Variants in DLGAP2 observed in about 807,000 individuals in gnomAD.
DLGAP2 encodes disks large-associated protein 2.
In DLGAP2, 26 loss-of-function variants were observed where a neutral mutation model predicts 100.3. The ratio of observed to expected loss-of-function variants is 0.26; its 90% CI spans 0.19 to 0.36. DLGAP2 has a LOEUF of 0.36. DLGAP2 is among the 10% of genes least tolerant of loss of function. DLGAP2 has a pLI of 1.00. For synonymous variants in DLGAP2, 886 were observed against 630.1 expected, an observed-to-expected ratio of 1.41 and a Z score of -6.08; for missense variants, 1,858 against 1,453.2, an observed-to-expected ratio of 1.28 and a Z score of -4.53.
chr8:1,479,338 T>G (rs1050181106), intron 3 of DLGAP2, among the ~76,000 whole-genome samples: 1 of 152,204 alleles, frequency 6.6e-6, no homozygotes, highest in South Asian at 2.1e-4. Flanking sequence ...CTCTCAAGCT[T>G]TCATCCCTCA....
At chr8:1,191,140 C>G (rs1479119287) in intron 2 of DLGAP2, among the ~76,000 whole-genome samples, 6 of 151,102 alleles carry the variant, frequency 4.0e-5, no homozygotes, top group Admixed American at 4.0e-4. Flanking sequence ...GAATAAATTT[C>G]TTGTAACTAA....
intron 1 of DLGAP2, among the ~76,000 whole-genome samples, chr8:789,099 C>G (rs144662073): frequency 6.6e-6 from 1 of 152,320 alleles, no homozygotes; most frequent in African/African-American, 2.4e-5. Context: ...AAAACACAGT[C>G]AGAGGTGTGA....
At chr8:797,973 A>G (rs533378891) in intron 1 of DLGAP2, among the ~76,000 whole-genome samples, 2 of 152,082 alleles carry the variant, frequency 1.3e-5, no homozygotes, top group South Asian at 4.2e-4. Flanking sequence ...GCTGGTCTCG[A>G]ACTCCTGATG....
chr8:829,049 T>C (rs1324706418), intron 1 of DLGAP2, among the ~76,000 whole-genome samples: 1 of 152,348 alleles, frequency 6.6e-6, no homozygotes, highest in Non-Finnish European at 1.5e-5. Flanking sequence ...ACAAACCTGA[T>C]TTTTTTAAAT....
intron 2 of DLGAP2, among the ~76,000 whole-genome samples, chr8:931,536 C>A (rs564611866): frequency 2.2e-4 from 34 of 152,342 alleles, no homozygotes; most frequent in Admixed American, 5.2e-4. Flanking sequence ...TTAGGCACTG[C>A]CACTTGTCAT....
At chr8:1,196,663 A>G (rs1053442274) in intron 2 of DLGAP2, among the ~76,000 whole-genome samples, 2 of 152,162 alleles carry the variant, frequency 1.3e-5, no homozygotes, top group Admixed American at 6.5e-5. Context: ...TTTGAAAACC[A>G]CATATGTCAG....
intron 3 of DLGAP2, among the ~76,000 whole-genome samples, chr8:1,476,654 G>A (rs1026279203): frequency 3.3e-5 from 5 of 152,092 alleles, no homozygotes; most frequent in Non-Finnish European, 7.4e-5. Flanking sequence ...ACCCGTGATG[G>A]CTGACTGCTG....
At chr8:1,665,303 C>T (rs1798516370) in intron 8 of DLGAP2, among the ~76,000 whole-genome samples, 1 of 152,134 alleles carries the variant, frequency 6.6e-6, no homozygotes, top group African/African-American at 2.4e-5. Flanking sequence ...AACTATGAAA[C>T]ACATAATGAG....
At chr8:1,286,123 G>A (rs542717611) in intron 3 of DLGAP2, among the ~76,000 whole-genome samples, 1 of 152,206 alleles carries the variant, frequency 6.6e-6, no homozygotes, top group Non-Finnish European at 1.5e-5. Context: ...GAATCATGGG[G>A]TGGTTTCTGC....
intron 2 of DLGAP2, among the ~76,000 whole-genome samples, chr8:1,134,223 C>G (rs1796356140): frequency 1.3e-5 from 2 of 152,184 alleles, no homozygotes; most frequent in South Asian, 4.1e-4. Context: ...ACCACATTTT[C>G]TTAATCCAGT....
intron 2 of DLGAP2, among the ~76,000 whole-genome samples, chr8:1,152,390 C>G (rs570248504): frequency 6.6e-6 from 1 of 152,304 alleles, no homozygotes; most frequent in Non-Finnish European, 1.5e-5. Context: ...AACGTGTTGC[C>G]TCAATGCAAT....
intron 3 of DLGAP2, among the ~76,000 whole-genome samples, chr8:1,338,654 C>T (rs1801344706): frequency 6.6e-6 from 1 of 152,146 alleles, no homozygotes; most frequent in African/African-American, 2.4e-5. Flanking sequence ...TTTTAAAAAT[C>T]TAAAACAAAC....
At chr8:862,000 C>G (rs1463103652) in intron 1 of DLGAP2, among the ~76,000 whole-genome samples, 3 of 152,344 alleles carry the variant, frequency 2.0e-5, no homozygotes, top group East Asian at 3.9e-4. Context: ...ACTGTTTAGA[C>G]TAAATTTCTT....
chr8:1,624,481 C>A (rs7829019), intron 6 of DLGAP2, among the ~76,000 whole-genome samples: 3 of 151,894 alleles, frequency 2.0e-5, no homozygotes, highest in African/African-American at 7.3e-5. Context: ...AGGAAGCCAG[C>A]AGTGGTCTCT....
intron 2 of DLGAP2, among the ~76,000 whole-genome samples, chr8:924,563 A>T (rs1341625556): frequency 6.6e-6 from 1 of 150,382 alleles, no homozygotes; most frequent in African/African-American, 2.4e-5. Context: ...CTGCATGCTT[A>T]TCCCGGTTAT....
intron 6 of DLGAP2, among the ~76,000 whole-genome samples, chr8:1,590,898 C>G (rs1429733884): frequency 2.0e-5 from 3 of 152,208 alleles, no homozygotes; most frequent in African/African-American, 4.8e-5. Context: ...TGGTGGATCT[C>G]TATCCCTTAA....
intron 3 of DLGAP2, among the ~76,000 whole-genome samples, chr8:1,323,421 G>A (rs1401037389): frequency 6.6e-6 from 1 of 152,174 alleles, no homozygotes; most frequent in Non-Finnish European, 1.5e-5. Context: ...TTTGAGTCTG[G>A]GTGGCCCCGG....
At chr8:1,009,065 G>T (rs1020985896) in intron 2 of DLGAP2, among the ~76,000 whole-genome samples, 1 of 152,198 alleles carries the variant, frequency 6.6e-6, no homozygotes, top group Non-Finnish European at 1.5e-5. Flanking sequence ...GGGCCCTGAT[G>T]GGGGGCAGGC....
intron 3 of DLGAP2, among the ~76,000 whole-genome samples, chr8:1,280,801 A>G (rs1052653898): frequency 1.1e-4 from 16 of 152,134 alleles, no homozygotes; most frequent in Non-Finnish European, 4.4e-5. Flanking sequence ...TGCAGATGTC[A>G]CCTGTAATGG....
Sources: gnomAD v4.1 joint callset for allele counts (sites outside exome capture counted in the v4.1 genomes callset) on GRCh38, gnomAD v4.1.1 for gene constraint, MANE v1.5 for transcripts, NCBI Gene and HGNC (gene_info 2026-07-23, HGNC 2026-07-21) for gene names.